IFT140: variants seen among roughly 807,000 people sequenced by gnomAD.
IFT140 encodes the protein intraflagellar transport 140.
A neutral mutation model predicts 164.6 loss-of-function variants in IFT140; 133 were observed. That is an observed-to-expected ratio of 0.81 (90% CI 0.70 to 0.93). The LOEUF is 0.93. IFT140 is among the 40% of genes least tolerant of loss of function. The pLI is 0.00. For synonymous variants in IFT140, 860 were observed against 817.3 expected (o/e 1.05, Z -0.89); for missense variants, 2,045 against 1,972.3 (o/e 1.04, Z -0.70).
intron 19 of IFT140, chr16:1,527,108 A>G (rs2040728566): frequency 2.5e-6 from 1 of 398,332 alleles, no homozygotes; most frequent in African/African-American, 2.0e-5. Context: ...CTGATCAGGA[A>G]ATGTGGGCTT....
In IFT140 at chr16:1,571,439, C is replaced by CA; in HGVS notation, c.1619dup (p.Leu540PhefsTer5). On this transcript the variant is annotated frameshift_variant, in exon 14 of 31. Transcript: ENST00000426508. LOFTEE classifies it high-confidence loss of function. ...AAAGATCAAAGCTTTTAAAGTGAGC[C>CA]AAGTCTGTCCCTACAACCAGGAAAT... The CA allele has an allele frequency of 6.2e-7, 1 of 1,614,008 alleles. No individual in the cohort carries two copies. Among genetic ancestry groups the CA allele is most frequent in the Non-Finnish European group, 8.5e-7 (1 of 1,179,992 alleles).
chr16:1,541,262 G>T, intron 19 of IFT140: 4 of 985,456 alleles, frequency 4.1e-6, no homozygotes, highest in Non-Finnish European at 4.8e-6. Context: ...CAGATGGGGT[G>T]ACGGGGCCCC....
chr16:1,520,493 G>C, intron 27 of IFT140, 109 bp downstream of exon 27: 9 of 1,368,376 alleles, frequency 6.6e-6, no homozygotes, highest in Non-Finnish European at 9.0e-6. Flanking sequence ...GGCCAGAAAG[G>C]CTCAGCCCTA....
At chr16:1,562,144 G>T (rs79466887) in intron 17 of IFT140, 28 bp from the exon 18 acceptor site, 5 of 1,189,066 alleles carry the variant, frequency 4.2e-6, no homozygotes, top group South Asian at 3.2e-5. Context: ...GTACTGTTCT[G>T]TTTTTTTTTT....
chr16:1,584,507 G>A (rs1418021014), intron 10 of IFT140, 87 bp from the exon 11 acceptor site: 1 of 1,038,040 alleles, frequency 9.6e-7, no homozygotes, highest in Non-Finnish European at 1.4e-6. Flanking sequence ...ACACACACGA[G>A]AACTCAGAAA....
chr16:1,595,467 T>C (rs1166473915), intron 4 of IFT140, among the ~76,000 whole-genome samples: 1 of 150,582 alleles, frequency 6.6e-6, no homozygotes, highest in African/African-American at 2.4e-5. Flanking sequence ...AATACAAAAT[T>C]AGCCAGGCAT....
chr16:1,585,869 C>G (rs945943978), intron 10 of IFT140, among the ~76,000 whole-genome samples: 2 of 148,310 alleles, frequency 1.3e-5, no homozygotes, highest in South Asian at 2.1e-4. Context: ...CTCCTGGGTT[C>G]ACGACATTCT....
At chr16:1,523,218 C>CA (rs397855579) in intron 26 of IFT140, among the ~76,000 whole-genome samples, 1,960 of 103,006 alleles carry the variant, frequency 0.019, 47 homozygotes, top group African/African-American at 0.057. Flanking sequence ...GACCCTGTCT[C>CA]AAAAAAAAAA....
chr16:1,544,148 G>T (rs1596335391), intron 19 of IFT140, among the ~76,000 whole-genome samples: 1 of 150,550 alleles, frequency 6.6e-6, no homozygotes, highest in African/African-American at 2.4e-5. Flanking sequence ...CTCCCGTGTA[G>T]GTGGGATTGC....
intron 18 of IFT140, among the ~76,000 whole-genome samples, chr16:1,559,608 T>C (rs1407296327): frequency 1.3e-5 from 2 of 152,224 alleles, no homozygotes; most frequent in African/African-American, 4.8e-5. Context: ...AACTAAGTAC[T>C]TCCTGTGTCC....
At chr16:1,549,567 G>T (rs2141368303) in intron 19 of IFT140, among the ~76,000 whole-genome samples, 1 of 152,334 alleles carries the variant, frequency 6.6e-6, no homozygotes, top group East Asian at 1.9e-4. Context: ...CAGTAGCTGG[G>T]ATTACAGGTG....
chr16:1,558,852 C>T (rs1036203628), intron 18 of IFT140, among the ~76,000 whole-genome samples: 2 of 152,230 alleles, frequency 1.3e-5, no homozygotes, highest in South Asian at 2.1e-4. Context: ...CTTGTATCTG[C>T]TATTCTGTGA....
At position 1,560,890 on chromosome 16, in the gene IFT140, C is replaced by G. The variant is rs2033369215; in HGVS notation, c.2199+1095G>C. On this transcript the variant is annotated intron_variant, in intron 18 of 30. Coordinates refer to ENST00000426508, the MANE Select transcript of IFT140 (RefSeq NM_014714.4). Reference sequence around the variant, plus strand: ...AGTAAACAGGAAGAGGCAGAGAAGACTCTGTGCGTGTTGTTTGCTGACGGA... The same window carrying G: ...AGTAAACAGGAAGAGGCAGAGAAGAGTCTGTGCGTGTTGTTTGCTGACGGA... Among the ~76,000 whole-genome samples the G allele has an allele frequency of 3.3e-5, 5 of 152,326 alleles. No homozygotes were observed. In the South Asian group the frequency reaches 1.0e-3, roughly 32 times the overall value.
At chr16:1,587,176 G>C (rs746673783) in intron 9 of IFT140, 22 bp downstream of exon 9, 5 of 1,471,060 alleles carry the variant, frequency 3.4e-6, no homozygotes, top group East Asian at 2.3e-5. Flanking sequence ...TGTTTCTCTT[G>C]TGCCAGGCCA....
At chr16:1,524,288 G>A (rs957376557) in intron 24 of IFT140, 14 of 610,778 alleles carry the variant, frequency 2.3e-5, no homozygotes, top group Admixed American at 6.3e-5. Flanking sequence ...GCCATAGGCC[G>A]TGAGCAGCCT....
At chr16:1,602,302 T>G in intron 4 of IFT140, 68 bp downstream of exon 4, 1 of 1,372,720 alleles carries the variant, frequency 7.3e-7, no homozygotes, top group Admixed American at 1.9e-5. Flanking sequence ...ATTTTGATCT[T>G]TCATACTCTC....
At chr16:1,569,003 GTTT>G (rs58205807) in intron 14 of IFT140, among the ~76,000 whole-genome samples, 16 of 126,278 alleles carry the variant, frequency 1.3e-4, no homozygotes, top group African/African-American at 4.4e-4. Flanking sequence ...GTGGTAGCTT[GTTT>G]TTTTTTTTTT....
intron 19 of IFT140, among the ~76,000 whole-genome samples, chr16:1,557,150 C>A (rs2033140708): frequency 1.3e-5 from 2 of 152,188 alleles, no homozygotes; most frequent in African/African-American, 4.8e-5. Context: ...GCCACAGGGT[C>A]AATTATGGTC....
chr16:1,515,368 CAG>C (rs2040307485), intron 30 of IFT140, among the ~76,000 whole-genome samples: 1 of 152,150 alleles, frequency 6.6e-6, no homozygotes, highest in African/African-American at 2.4e-5. Flanking sequence ...GAGGCCCAGA[CAG>C]GGAAAACATT....
Sources: allele counts gnomAD v4.1 joint callset (sites outside exome capture counted in the v4.1 genomes callset), GRCh38; gene constraint gnomAD v4.1.1; transcripts MANE v1.5; gene names NCBI Gene and HGNC (gene_info 2026-07-23, HGNC 2026-07-21).